Variants in STIL observed in about 807,000 individuals in gnomAD.
STIL encodes SCL-interrupting locus protein.
STIL carries 55 observed loss-of-function variants against 110.1 expected under a neutral mutation model. The observed-to-expected ratio is 0.50, with a 90% CI of 0.40 to 0.63. The LOEUF is 0.63. Ranked by LOEUF, STIL falls within the 20% of genes least tolerant of loss-of-function variation. STIL has a pLI of 0.00. For missense variants in STIL, 1,358 were observed against 1,530.0 expected, an observed-to-expected ratio of 0.89 and a Z score of 1.87; for synonymous variants, 481 against 530.0, an observed-to-expected ratio of 0.91 and a Z score of 1.27.
In STIL at chr1:47,301,642, A is replaced by C. The variant is rs752383431; in HGVS notation, c.372T>G (p.Ile124Met). ...PTASLPGDFL[I>M]PCKVHTQELC... ...GTTCTTGAGTATGAACTTTGCATGGAATCAAAAAGTCCCCAGGAAGAGAAG... is the reference window on the plus strand; with the variant it reads ...GTTCTTGAGTATGAACTTTGCATGGCATCAAAAAGTCCCCAGGAAGAGAAG... Residue 124 changes from isoleucine to methionine, a missense_variant, in exon 5 of 17, where the codon ATT (isoleucine) becomes ATG (methionine). By Grantham distance (10) the Ile-to-Met change is conservative. Coordinates refer to ENST00000371877, the MANE Select transcript of STIL (RefSeq NM_001048166.1). The C allele has an allele frequency of 1.2e-6, 2 of 1,613,998 alleles. No homozygotes were observed. Among genetic ancestry groups the C allele is most frequent in the Non-Finnish European group, 1.7e-6 (2 of 1,179,982 alleles).
At chr1:47,310,149 G>T (rs1646079970) in intron 2 of STIL, 127 bp downstream of exon 2, 1 of 790,406 alleles carries the variant, frequency 1.3e-6, no homozygotes, top group Non-Finnish European at 2.0e-6. Flanking sequence ...CCTAACAAGT[G>T]GTAGAGCTAG....
chr1:47,280,244 T>C lies in STIL; in HGVS notation c.2214A>G (p.Ala738=). ...ACTAGGAAAGCACCAAGCAAACCTG[T>C]GCCTGAAGTAGTCTTAGCTGTCTGT... The part of the protein sequence containing the change: ...EQDRQLRLLQ[A]QIQRLLEAQS... Residue 738 remains alanine, a synonymous_variant, in exon 12 of 17, where the codon GCA becomes GCG. Coordinates refer to ENST00000371877, the MANE Select transcript of STIL (RefSeq NM_001048166.1). The C allele has an allele frequency of 6.2e-7, 1 of 1,614,216 alleles. No individual in the cohort carries two copies. Among genetic ancestry groups the C allele is most frequent in the Middle Eastern group, 1.6e-4 (1 of 6,062 alleles).
At chr1:47,314,496 C>T (rs1387488837), upstream of STIL, among the ~76,000 whole-genome samples, 2 of 152,218 alleles carry the variant, frequency 1.3e-5, no homozygotes, top group African/African-American at 4.8e-5. Context: ...GCCGGAAGTG[C>T]TCTATAAGAT....
At chr1:47,299,131 T>G (rs1187241678) in intron 6 of STIL, among the ~76,000 whole-genome samples, 1 of 151,312 alleles carries the variant, frequency 6.6e-6, no homozygotes, top group East Asian at 2.0e-4. Context: ...GAGGATCACC[T>G]GAAGTCTGGA....
At position 47,280,521 on chromosome 1, in the gene STIL, C is replaced by T; in HGVS notation, c.1937G>A (p.Ser646Asn). The T allele has an allele frequency of 6.2e-7, 1 of 1,614,254 alleles. No individual in the cohort carries two copies. Among genetic ancestry groups the T allele is most frequent in the Non-Finnish European group, 8.5e-7 (1 of 1,180,046 alleles). ...ALQKHSLFHP[S>N]GCPALYCNAF... ...ATTACAGTACAGGGCTGGACATCCACTTGGGTGAAATAATGAATGCTTTTG... is the reference window on the plus strand; with the variant it reads ...ATTACAGTACAGGGCTGGACATCCATTTGGGTGAAATAATGAATGCTTTTG... Residue 646 changes from serine to asparagine, a missense_variant, in exon 12 of 17, where the codon AGT becomes AAT. Transcript: ENST00000371877.
rs148867087 is a variant in STIL at position 47,308,356 on chromosome 1, C to T, written c.44+1920G>A. Among the ~76,000 whole-genome samples the T allele has an allele frequency of 6.2e-3, 930 of 149,712 alleles. 11 individuals carry two copies. The highest frequency in any genetic ancestry group is 0.021 in the African/African-American group (860 of 40,542). ...GCTTAGGAAAACAGAAAAGAACCTA[C>T]GTGATTATCGGGGCAGGTCCCCCGA... On this transcript the variant is annotated intron_variant, in intron 2 of 16. Transcript: ENST00000371877.
intron 2 of STIL, among the ~76,000 whole-genome samples, chr1:47,307,601 T>C (rs953633694): frequency 6.6e-6 from 1 of 152,160 alleles, no homozygotes; most frequent in African/African-American, 2.4e-5. Flanking sequence ...CCTGTAATAA[T>C]TGCGTTAACT....
intron 11 of STIL, among the ~76,000 whole-genome samples, chr1:47,281,518 A>T (rs1645158396): frequency 6.6e-6 from 1 of 152,178 alleles, no homozygotes; most frequent in Admixed American, 6.5e-5. Flanking sequence ...ACACAATATG[A>T]GAAACTGTTT....
rs1428268929 is a variant in STIL, at chr1:47,251,839, C to T, written c.3164G>A (p.Ser1055Asn). 6.2e-7 allele frequency: 1 copy of T among 1,608,034 alleles called. No homozygotes were observed. Among genetic ancestry groups the T allele is most frequent in the East Asian group, 2.2e-5 (1 of 44,860 alleles). The change falls in exon 17 of 17, where the codon AGC becomes AAC. Residue 1055 changes from serine to asparagine, a missense_variant. Transcript: ENST00000371877. ...CATGCTCAAATCCACACCATTGGGG[C>T]TTAAGCCGCTCATGCCAACATTAGC... is the stretch of plus-strand genomic sequence containing the variant. ...SFANVGMSGL[S>N]PNGVDLSMEA...
In STIL at chr1:47,281,116, C is replaced by T; in HGVS notation, c.1342G>A (p.Val448Met). 3 of 1,614,162 alleles carry T rather than the reference C, an allele frequency of 1.9e-6. No individual in the cohort carries two copies. Among genetic ancestry groups the T allele is most frequent in the Non-Finnish European group, 2.5e-6 (3 of 1,180,034 alleles). ...SNPLPTPLEM[V>M]NNENPPLINH... ...ATCAAAGGAGGATTTTCATTATTCACCATTTCCAATGGAGTAGGCAGAGGG... is the reference window on the plus strand; with the variant it reads ...ATCAAAGGAGGATTTTCATTATTCATCATTTCCAATGGAGTAGGCAGAGGG... The change falls in exon 12 of 17, where the codon GTG becomes ATG. Residue 448 changes from valine (V) to methionine (M), a missense_variant. Val to Met is a conservative substitution (Grantham distance 21, BLOSUM62 1). Coordinates refer to ENST00000371877, the MANE Select transcript of STIL (RefSeq NM_001048166.1).
At chr1:47,294,741 TC>T (rs1183819520) in intron 7 of STIL, among the ~76,000 whole-genome samples, 1 of 152,182 alleles carries the variant, frequency 6.6e-6, no homozygotes, top group Non-Finnish European at 1.5e-5. Context: ...TAATTACTAC[TC>T]TAAAGAGAAG....
Position 47,250,231 on chromosome 1 carries a change from C to T in STIL, c.*905G>A, listed in dbSNP as rs1470323055. ...AAAGTTTATAAAACACACTCATACT[C>T]AATAATTTTCTTATTCTTTGATAGC... is the stretch of plus-strand genomic sequence containing the variant. On this transcript the variant is annotated 3_prime_UTR_variant, in exon 17 of 17. Coordinates refer to ENST00000371877, the MANE Select transcript of STIL (RefSeq NM_001048166.1). 2 of 172,640 alleles carry T rather than the reference C, an allele frequency of 1.2e-5. No homozygotes were observed. The highest frequency in any genetic ancestry group is 2.5e-5 in the Non-Finnish European group (2 of 79,812). The allele number at this position is 172,640 out of a possible 1,614,324, so 10.7% of individuals were successfully genotyped here.
rs1183412662 is a variant in STIL at position 47,314,123 on chromosome 1, C to T, written c.-131G>A. The T allele has an allele frequency of 1.3e-5, 2 of 152,308 alleles. No individual in the cohort carries two copies. Among genetic ancestry groups the T allele is most frequent in the African/African-American group, 2.4e-5 (1 of 41,468 alleles). The allele number at this position is 152,308 out of a possible 1,614,324, so 9.4% of individuals were successfully genotyped here. ...GCCACCGCCGACTCCGGCCCCGCCT[C>T]TGGGACGTTGGGGTCGCGGGAACTG... On this transcript the variant is annotated 5_prime_UTR_variant, in exon 1 of 17. Coordinates refer to ENST00000371877, the MANE Select transcript of STIL (RefSeq NM_001048166.1).
rs1424407142 is a variant in STIL at position 47,269,679 on chromosome 1, G to A, written c.2571C>T (p.Asn857=). Residue 857 remains asparagine (N), a synonymous_variant, in exon 14 of 17, where the codon AAC becomes AAT. Coordinates refer to ENST00000371877, the MANE Select transcript of STIL (RefSeq NM_001048166.1). The stretch of plus-strand genomic sequence containing the variant: ...GGTTAAATTCTTCTTCCACAGCAAT[G>A]TTGCTCTCTTCAAAACTGGGAATAT... ...AVDIPSFEES[N]IAVEEEFNQP... 1 of 1,614,172 alleles carries A rather than the reference G, an allele frequency of 6.2e-7. No homozygotes were observed. The highest frequency in any genetic ancestry group is 1.6e-4 in the Middle Eastern group (1 of 6,062).
rs201724662 is a variant in STIL at position 47,257,082 on chromosome 1, T to TA, written c.3080+3206dup. Reference sequence around the variant, plus strand: ...ATAAGGATTTTGGCAAGCAGAAAGGTAAAAAAAAAGAGCACCTCAGATAAA... The same window carrying TA: ...ATAAGGATTTTGGCAAGCAGAAAGGTAAAAAAAAAAGAGCACCTCAGATAAA... On this transcript the variant is annotated intron_variant, in intron 16 of 16. Transcript: ENST00000371877. 4.1e-4 allele frequency among the ~76,000 whole-genome samples: 61 copies of TA among 150,016 alleles called. 1 individual carries two copies. The highest frequency in any genetic ancestry group is 2.3e-3 in the South Asian group (11 of 4,750).
At chr1:47,314,879 C>A (rs1051648967), upstream of STIL, among the ~76,000 whole-genome samples, 2 of 151,418 alleles carry the variant, frequency 1.3e-5, no homozygotes, top group African/African-American at 4.9e-5. Context: ...CGTCCACCAC[C>A]CACCACCACG....
At position 47,268,388 on chromosome 1, in the gene STIL, G is replaced by A. The variant is rs147736720; in HGVS notation, c.2615+1247C>T. ...TTGAACCTGGGAGGCAGAGGTTGCA[G>A]TGAGCCAAGACAGTGCCATTGCACT... On this transcript the variant is annotated intron_variant, in intron 14 of 16. Coordinates refer to ENST00000371877, the MANE Select transcript of STIL (RefSeq NM_001048166.1). Among the ~76,000 whole-genome samples, 793 of 152,258 alleles carry A rather than the reference G, an allele frequency of 5.2e-3. 2 individuals carry two copies. The highest frequency in any genetic ancestry group is 0.03 in the East Asian group (157 of 5,164).
At chr1:47,271,142 T>C (rs1003730466) in intron 13 of STIL, among the ~76,000 whole-genome samples, 3 of 152,186 alleles carry the variant, frequency 2.0e-5, no homozygotes, top group African/African-American at 7.2e-5. Flanking sequence ...CTATGAGTAT[T>C]GGAAAAGATA....
chr1:47,265,252 A>AAAAAAAC (rs1644610805), intron 14 of STIL, among the ~76,000 whole-genome samples: 1 of 150,598 alleles, frequency 6.6e-6, no homozygotes, highest in East Asian at 1.9e-4. Context: ...AAAAAAAAAA[A>AAAAAAAC]AAAAAAAACA....
Sources: allele counts gnomAD v4.1 joint callset (sites outside exome capture counted in the v4.1 genomes callset), GRCh38; gene constraint gnomAD v4.1.1; transcripts MANE v1.5; gene names NCBI Gene and HGNC (gene_info 2026-07-23, HGNC 2026-07-21).